The following TENM1 variants were observed in gnomAD, a reference collection of about 807,000 sequenced individuals.
TENM1 encodes teneurin transmembrane protein 1.
TENM1 carries 35 observed loss-of-function variants against 174.8 expected under a neutral mutation model. The observed-to-expected ratio is 0.20, with a 90% confidence interval of 0.15 to 0.27. The LOEUF is 0.27. Among genes scored for constraint, TENM1 ranks in the 10% least tolerant of loss-of-function variants. The pLI is 1.00. For missense variants in TENM1, 1,633 were observed against 2,130.1 expected (o/e 0.77, Z 4.59); for synonymous variants, 781 against 798.7 (o/e 0.98, Z 0.37).
At chrX:124,828,975 T>C (rs1462310355) in intron 3 of TENM1, among the ~76,000 whole-genome samples, 1 of 112,094 alleles carries the variant, frequency 8.9e-6, no homozygotes, top group Non-Finnish European at 1.9e-5. Context: ...AACTCATTTT[T>C]TCATGAATTA....
chrX:125,125,856 T>C, the TENM1 span, among the ~76,000 whole-genome samples: 1 of 112,163 alleles, frequency 8.9e-6, no homozygotes, highest in African/African-American at 3.2e-5. Context: ...TTGACATCTG[T>C]AGTCATGATT....
At chrX:124,548,840 C>T (rs918296659) in intron 14 of TENM1, among the ~76,000 whole-genome samples, 3 of 111,365 alleles carry the variant, frequency 2.7e-5, no homozygotes, top group Non-Finnish European at 3.8e-5. Flanking sequence ...AGAGAGTAGA[C>T]GTTTGGAACA....
intron 22 of TENM1, among the ~76,000 whole-genome samples, chrX:124,463,716 T>C (rs982684236): frequency 9.0e-5 from 10 of 111,218 alleles, no homozygotes; most frequent in Admixed American, 5.8e-4. Context: ...TGAGGTTCCA[T>C]GCCGTGCAAC....
intron 22 of TENM1, among the ~76,000 whole-genome samples, chrX:124,467,568 C>T (rs181666050): frequency 1.6e-3 from 181 of 111,766 alleles, no homozygotes; most frequent in African/African-American, 5.3e-3. Context: ...GATGAACCTG[C>T]TCCAAGGCCA....
chrX:124,454,611 G>A (rs1236733877), intron 22 of TENM1, among the ~76,000 whole-genome samples: 2 of 111,316 alleles, frequency 1.8e-5, no homozygotes, highest in Non-Finnish European at 3.8e-5. Flanking sequence ...CACCATGTTG[G>A]CCAGGCTGGT....
rs571374098 is a variant in TENM1, at chrX:124,929,537, C to T, written c.218-33296G>A. ...AAAAATAAGCCTCTGGCATAAATTG[C>T]GATAGCTGCCACTAGAGAATTCACC... On this transcript the variant is annotated intron_variant, in intron 1 of 31. Transcript: ENST00000422452. 2.2e-4 allele frequency among the ~76,000 whole-genome samples: 25 copies of T among 112,008 alleles called. No homozygotes were observed. The South Asian group carries it at 8.7e-3, about 39-fold the overall frequency.
At chrX:125,101,586 T>C in the TENM1 span, among the ~76,000 whole-genome samples, 1 of 111,358 alleles carries the variant, frequency 9.0e-6, no homozygotes, top group African/African-American at 3.3e-5. Context: ...GTTGGACATA[T>C]TGTATGAGTA....
chrX:124,595,966 G>C (rs1379068579), intron 11 of TENM1, among the ~76,000 whole-genome samples: 3 of 111,728 alleles, frequency 2.7e-5, no homozygotes. Flanking sequence ...CACCTATCTA[G>C]GTTTAATAAA....
chrX:124,876,323 C>T (rs2057200772), intron 3 of TENM1, among the ~76,000 whole-genome samples: 2 of 111,637 alleles, frequency 1.8e-5, no homozygotes, highest in South Asian at 7.4e-4. Context: ...TTGATGTACT[C>T]ATATGGTATG....
intron 4 of TENM1, among the ~76,000 whole-genome samples, chrX:124,718,678 C>T (rs1399020749): frequency 1.8e-5 from 2 of 111,295 alleles, no homozygotes; most frequent in Non-Finnish European, 3.8e-5. Context: ...TAACAAAGGC[C>T]TTGGAAGAAA....
At chrX:125,015,579 A>T in the TENM1 span, among the ~76,000 whole-genome samples, 1 of 111,705 alleles carries the variant, frequency 9.0e-6, no homozygotes, top group Admixed American at 9.5e-5. Context: ...TATTAACCTT[A>T]AAAGGATAAT....
At chrX:124,983,923 A>C in the TENM1 span, among the ~76,000 whole-genome samples, 1 of 111,881 alleles carries the variant, frequency 8.9e-6, no homozygotes, top group African/African-American at 3.2e-5. Context: ...GCAATAAGTG[A>C]TATGAAGATT....
chrX:124,979,546 T>A, the TENM1 span, among the ~76,000 whole-genome samples: 1 of 112,051 alleles, frequency 8.9e-6, no homozygotes, highest in Non-Finnish European at 1.9e-5. Flanking sequence ...AAAATATATT[T>A]TTTAAATTAA....
exon 32 of TENM1, chrX:124,380,288 A>C: frequency 3.3e-6 from 1 of 298,929 alleles, no homozygotes; most frequent in Non-Finnish European, 5.8e-6. Context: ...AACTGTTTTT[A>C]GCTGTTTGAG....
the TENM1 span, among the ~76,000 whole-genome samples, chrX:124,994,239 GGCA>G: frequency 1.5e-5 from 1 of 68,729 alleles, no homozygotes; most frequent in African/African-American, 6.1e-5. Context: ...TTTTTTTTTT[GGCA>G]ATTGACCAAA....
At chrX:125,110,790 T>C in the TENM1 span, among the ~76,000 whole-genome samples, 1 of 111,980 alleles carries the variant, frequency 8.9e-6, no homozygotes, top group Non-Finnish European at 1.9e-5. Context: ...AATAAGAAAG[T>C]ATGGAAGGGA....
intron 25 of TENM1, among the ~76,000 whole-genome samples, chrX:124,410,393 GT>G (rs1329649264): frequency 8.9e-6 from 1 of 112,132 alleles, no homozygotes; most frequent in Non-Finnish European, 1.9e-5. Context: ...AGACTTAAAT[GT>G]TAGACCTAAA....
intron 25 of TENM1, among the ~76,000 whole-genome samples, chrX:124,411,337 ATGTGTGTG>A (rs35094942): frequency 9.2e-6 from 1 of 108,258 alleles, no homozygotes; most frequent in African/African-American, 3.4e-5. Context: ...GTGTGTGTGT[ATGTGTGTG>A]TGTGTGTGTG....
upstream of TENM1, among the ~76,000 whole-genome samples, chrX:124,966,673 A>C (rs751878714): frequency 1.9e-3 from 214 of 110,934 alleles, 3 homozygotes; most frequent in Admixed American, 4.7e-3. Flanking sequence ...AAAAAAAAAA[A>C]AAACCAAAAA....
Sources: gnomAD v4.1 joint callset for allele counts (sites outside exome capture counted in the v4.1 genomes callset) on GRCh38, gnomAD v4.1.1 for gene constraint, MANE v1.5 for transcripts, NCBI Gene and HGNC (gene_info 2026-07-23, HGNC 2026-07-21) for gene names.